The following DLC1 variants were observed in gnomAD, a reference collection of about 807,000 sequenced individuals.
The protein encoded by DLC1 is rho GTPase-activating protein 7.
A neutral mutation model predicts 140.3 loss-of-function variants in DLC1; 54 were observed. That is an observed-to-expected ratio of 0.38 (90% CI 0.31 to 0.48). DLC1 has a LOEUF of 0.48. Among genes scored for constraint, DLC1 ranks in the 20% least tolerant of loss-of-function variants. The probability of loss-of-function intolerance (pLI) is 0.96; values close to 1 mark genes in which losing one functional copy is unlikely to be tolerated. For missense variants in DLC1, 2,536 were observed against 1,907.0 expected (o/e 1.33, Z -6.14); for synonymous variants, 986 against 728.1 (o/e 1.35, Z -5.70).
At position 13,278,668 on chromosome 8, in the gene DLC1, C is replaced by T. The variant is rs532797162; in HGVS notation, c.1348+26601G>A. On this transcript the variant is annotated intron_variant, in intron 5 of 17. Transcript: ENST00000276297. ...GATCTATGATAAAGTTAGGGACACA[C>T]AGTCACTCCCAGCATGAATATCAAC... Among the ~76,000 whole-genome samples the T allele has an allele frequency of 2.0e-5, 3 of 152,250 alleles. No individual in the cohort carries two copies. In the East Asian group the frequency reaches 5.8e-4, roughly 29 times the overall value.
intron 1 of DLC1, among the ~76,000 whole-genome samples, chr8:13,536,433 A>G (rs1424181068): frequency 3.9e-5 from 6 of 152,248 alleles, no homozygotes; most frequent in Non-Finnish European, 7.3e-5. Flanking sequence ...GTATATTTTT[A>G]GAAGTGGTTA....
chr8:13,498,177 T>C (rs942301180), intron 2 of DLC1, among the ~76,000 whole-genome samples: 15 of 152,216 alleles, frequency 9.9e-5, no homozygotes, highest in Admixed American at 3.9e-4. Context: ...TCCATGCCAT[T>C]GGCCATGTGG....
intron 4 of DLC1, among the ~76,000 whole-genome samples, chr8:13,393,091 A>T (rs1416557633): frequency 6.6e-6 from 1 of 151,928 alleles, no homozygotes; most frequent in African/African-American, 2.4e-5. Flanking sequence ...ATCTACATCT[A>T]TCTCTATCAT....
chr8:13,566,081 C>T (rs1804416893), intron 1 of DLC1, among the ~76,000 whole-genome samples: 1 of 152,146 alleles, frequency 6.6e-6, no homozygotes, highest in African/African-American at 2.4e-5. Context: ...TGGGCTCATA[C>T]TAGTCGGCAA....
chr8:13,248,531 A>G (rs867716986), intron 5 of DLC1, among the ~76,000 whole-genome samples: 5 of 152,084 alleles, frequency 3.3e-5, no homozygotes, highest in South Asian at 2.1e-4. Context: ...CCTTTTGTTC[A>G]TATACTTCCC....
intron 2 of DLC1, among the ~76,000 whole-genome samples, chr8:13,413,644 C>G (rs534123212): frequency 6.6e-6 from 1 of 151,902 alleles, no homozygotes; most frequent in Non-Finnish European, 1.5e-5. Flanking sequence ...GGAGGAGGTT[C>G]CCCCATGCTG....
chr8:13,324,241 T>C (rs1031979488), intron 4 of DLC1, among the ~76,000 whole-genome samples: 2 of 152,190 alleles, frequency 1.3e-5, no homozygotes, highest in Non-Finnish European at 2.9e-5. Context: ...TTTATATTAT[T>C]GAGGCATATG....
At chr8:13,368,021 A>G (rs1586219146) in intron 4 of DLC1, among the ~76,000 whole-genome samples, 1 of 152,140 alleles carries the variant, frequency 6.6e-6, no homozygotes. Context: ...GGTTTCTGGA[A>G]TGGTGAAGTT....
At chr8:13,271,386 G>A (rs889190614) in intron 5 of DLC1, among the ~76,000 whole-genome samples, 4 of 152,176 alleles carry the variant, frequency 2.6e-5, no homozygotes, top group Admixed American at 6.5e-5. Flanking sequence ...TTGGAAGTGG[G>A]CCAGAATTCC....
intron 5 of DLC1, among the ~76,000 whole-genome samples, chr8:13,175,159 T>A (rs1332742715): frequency 1.3e-5 from 2 of 152,184 alleles, no homozygotes; most frequent in South Asian, 4.1e-4. Context: ...TTGTTGAAGG[T>A]CAGATGGTGT....
At chr8:13,551,157 C>T (rs537489925) in intron 1 of DLC1, among the ~76,000 whole-genome samples, 71 of 151,466 alleles carry the variant, frequency 4.7e-4, no homozygotes, top group Non-Finnish European at 9.0e-4. Context: ...GCCAAAATCC[C>T]TTACTTTGCA....
chr8:13,521,112 G>A (rs1418486719), intron 1 of DLC1, among the ~76,000 whole-genome samples: 2 of 152,094 alleles, frequency 1.3e-5, no homozygotes, highest in Non-Finnish European at 2.9e-5. Flanking sequence ...GGACATGGAT[G>A]GAGCTGGAAG....
chr8:13,412,185 A>C (rs17817461), intron 2 of DLC1, among the ~76,000 whole-genome samples: 18,346 of 152,238 alleles, frequency 0.12, 1,276 homozygotes, highest in Admixed American at 0.2. Flanking sequence ...ATTCCTAATG[A>C]TTTAAAACCC....
chr8:13,324,473 CAGG>C (rs1184397640), intron 4 of DLC1, among the ~76,000 whole-genome samples: 2 of 147,590 alleles, frequency 1.4e-5, no homozygotes, highest in Non-Finnish European at 3.0e-5. Context: ...GAGGCTGAGG[CAGG>C]AGAATGGCGT....
intron 2 of DLC1, among the ~76,000 whole-genome samples, chr8:13,482,747 G>T (rs1026199262): frequency 6.6e-6 from 1 of 152,188 alleles, no homozygotes; most frequent in Non-Finnish European, 1.5e-5. Flanking sequence ...TGATTATTGT[G>T]ACATAAGATC....
Position 13,100,472 on chromosome 8 carries a change from A to T in DLC1, c.1865T>A (p.Ile622Asn). ...DAATPRTNSV[I>N]SVCSSSNLAG... ...CAAGTTGCTGGAGGAGCAAACGCTG[A>T]TGACGGAGTTAGTCCGGGGGGTGGC... is the stretch of plus-strand genomic sequence containing the variant. Residue 622 changes from isoleucine (I) to asparagine (N), a missense_variant, in exon 9 of 18, where the codon ATC becomes AAC. Transcript: ENST00000276297. The T allele has an allele frequency of 6.2e-7, 1 of 1,613,412 alleles. No individual in the cohort carries two copies. The highest frequency in any genetic ancestry group is 8.5e-7 in the Non-Finnish European group (1 of 1,180,002).
At chr8:13,538,804 A>C (rs988519893) in intron 1 of DLC1, among the ~76,000 whole-genome samples, 1 of 152,152 alleles carries the variant, frequency 6.6e-6, no homozygotes, top group Non-Finnish European at 1.5e-5. Flanking sequence ...ACTTACAATA[A>C]CCTCACTGTA....
chr8:13,559,945 C>T (rs1804181816), intron 1 of DLC1, among the ~76,000 whole-genome samples: 1 of 152,122 alleles, frequency 6.6e-6, no homozygotes, highest in Non-Finnish European at 1.5e-5. Flanking sequence ...TGCCCAGAAC[C>T]ATTCTGAAAT....
chr8:13,498,971 C>A, intron 2 of DLC1, 78 bp downstream of exon 2: 2 of 1,474,186 alleles, frequency 1.4e-6, no homozygotes, highest in Non-Finnish European at 9.0e-7. Flanking sequence ...TCTTTTTAAT[C>A]CAAGCAAAAT....
Sources: gnomAD v4.1 joint callset for allele counts (sites outside exome capture counted in the v4.1 genomes callset) on GRCh38, gnomAD v4.1.1 for gene constraint, MANE v1.5 for transcripts, NCBI Gene and HGNC (gene_info 2026-07-23, HGNC 2026-07-21) for gene names.